The following MCC variants were observed in gnomAD, a reference collection of about 807,000 sequenced individuals.
MCC encodes MCC regulator of Wnt signaling pathway.
MCC carries 90 observed loss-of-function variants against 116.2 expected under a neutral mutation model. The observed-to-expected ratio is 0.77, with a 90% CI of 0.65 to 0.92. MCC has a LOEUF of 0.92. Among genes scored for constraint, MCC ranks in the 40% least tolerant of loss-of-function variants. MCC has a pLI of 0.00. For missense variants in MCC, 1,516 were observed against 1,312.2 expected (o/e 1.16, Z -2.40); for synonymous variants, 578 against 510.5 (o/e 1.13, Z -1.78).
chr5:113,162,902 C>G (rs539004734), intron 3 of MCC, among the ~76,000 whole-genome samples: 1 of 152,268 alleles, frequency 6.6e-6, no homozygotes, highest in East Asian at 1.9e-4. Flanking sequence ...CGTTACTATC[C>G]TATCTCATTT....
chr5:113,416,070 G>C (rs926292672), intron 1 of MCC, among the ~76,000 whole-genome samples: 1 of 152,158 alleles, frequency 6.6e-6, no homozygotes, highest in Non-Finnish European at 1.5e-5. Context: ...GTCTACTCCA[G>C]ACCCTGTTTG....
intron 3 of MCC, among the ~76,000 whole-genome samples, chr5:113,254,431 AAC>A (rs1764927279): frequency 6.6e-6 from 1 of 152,270 alleles, no homozygotes; most frequent in Non-Finnish European, 1.5e-5. Context: ...GTTAGTTCAT[AAC>A]GCATTCAAAA....
At chr5:113,141,750 C>A (rs1428602698) in intron 5 of MCC, among the ~76,000 whole-genome samples, 1 of 152,222 alleles carries the variant, frequency 6.6e-6, no homozygotes, top group Non-Finnish European at 1.5e-5. Context: ...TCAAGAAGCT[C>A]ACTGCATTTC....
In MCC at chr5:113,143,299, T is replaced by A. The variant is rs201214962; in HGVS notation, c.803A>T (p.Tyr268Phe). The change falls in exon 5 of 19, where the codon TAT becomes TTT. Residue 268 changes from tyrosine (Y) to phenylalanine (F), a missense_variant. Tyr to Phe is a conservative substitution (Grantham distance 22). Coordinates refer to ENST00000408903, the MANE Select transcript of MCC (RefSeq NM_001085377.2). The stretch of plus-strand genomic sequence containing the variant: ...GTGGAGCTCTGTGATGCGTTCCTCA[T>A]AGCGAAGTGTCGTTCGCTCCTGGAC... Reference protein sequence around the residue: ...EDVQERTTLRYEERITELHSV... With the variant: ...EDVQERTTLRFEERITELHSV... The A allele has an allele frequency of 1.2e-6, 2 of 1,613,764 alleles. No homozygotes were observed. Among genetic ancestry groups the A allele is most frequent in the East Asian group, 4.5e-5 (2 of 44,856 alleles).
At chr5:113,077,741 A>G (rs1309646380) in intron 11 of MCC, among the ~76,000 whole-genome samples, 1 of 152,172 alleles carries the variant, frequency 6.6e-6, no homozygotes, top group Non-Finnish European at 1.5e-5. Context: ...ATCACAATTA[A>G]AAGAATTAGA....
chr5:113,479,855 G>C (rs1376087162), intron 1 of MCC, among the ~76,000 whole-genome samples: 1 of 152,004 alleles, frequency 6.6e-6, no homozygotes, highest in African/African-American at 2.4e-5. Context: ...TTAATGCTTG[G>C]CTTTGGTTAT....
At chr5:113,384,857 T>C in intron 2 of MCC, 111 bp downstream of exon 2, 1 of 1,292,164 alleles carries the variant, frequency 7.7e-7, no homozygotes, top group South Asian at 1.4e-5. Context: ...GAGGGCAGCC[T>C]CAGTATGAGC....
intron 3 of MCC, among the ~76,000 whole-genome samples, chr5:113,232,137 T>C (rs569540): frequency 0.11 from 16,818 of 152,230 alleles, 1,211 homozygotes; most frequent in East Asian, 0.2. Flanking sequence ...AAAAATAAAA[T>C]GTATCACTTT....
intron 2 of MCC, among the ~76,000 whole-genome samples, chr5:113,341,682 G>C (rs573097166): frequency 6.6e-6 from 1 of 152,174 alleles, no homozygotes; most frequent in Non-Finnish European, 1.5e-5. Flanking sequence ...TGGTTCAGAT[G>C]GGAATGGTAC....
chr5:113,184,295 C>A (rs942223662), intron 3 of MCC, among the ~76,000 whole-genome samples: 2 of 152,100 alleles, frequency 1.3e-5, no homozygotes, highest in Non-Finnish European at 2.9e-5. Flanking sequence ...TGATTCTTTG[C>A]CACCTACCCT....
At chr5:113,249,020 T>G (rs912047185) in intron 3 of MCC, among the ~76,000 whole-genome samples, 1 of 152,062 alleles carries the variant, frequency 6.6e-6, no homozygotes, top group South Asian at 2.1e-4. Context: ...ATTTTTGTAT[T>G]TTTAGTAGAG....
At chr5:113,075,729 G>A (rs1233400100) in intron 11 of MCC, among the ~76,000 whole-genome samples, 2 of 152,226 alleles carry the variant, frequency 1.3e-5, no homozygotes, top group Non-Finnish European at 2.9e-5. Context: ...GCCCGAGCCA[G>A]CAGCAGCAAC....
intron 3 of MCC, among the ~76,000 whole-genome samples, chr5:113,178,122 G>A (rs1015086636): frequency 3.9e-5 from 6 of 152,164 alleles, no homozygotes; most frequent in African/African-American, 7.2e-5. Context: ...GAGTGGCAGC[G>A]GAAGGGAAGA....
chr5:113,329,475 C>T (rs1459595371), intron 3 of MCC, among the ~76,000 whole-genome samples: 5 of 137,078 alleles, frequency 3.6e-5, no homozygotes, highest in African/African-American at 1.2e-4. Context: ...TGCATATATA[C>T]GTATACACAC....
chr5:113,194,360 T>C (rs1299045255), intron 3 of MCC, among the ~76,000 whole-genome samples: 3 of 152,072 alleles, frequency 2.0e-5, no homozygotes, highest in Non-Finnish European at 4.4e-5. Context: ...AAACAACAAC[T>C]TGACACTACT....
intron 3 of MCC, among the ~76,000 whole-genome samples, chr5:113,161,227 C>T (rs574021346): frequency 1.3e-5 from 2 of 152,288 alleles, no homozygotes; most frequent in South Asian, 2.1e-4. Context: ...TTCAAGGGGG[C>T]TGCATCCTAA....
At chr5:113,051,274 T>A (rs1008832102) in intron 15 of MCC, among the ~76,000 whole-genome samples, 3 of 151,172 alleles carry the variant, frequency 2.0e-5, no homozygotes, top group Non-Finnish European at 4.4e-5. Flanking sequence ...ACCGAGGAAA[T>A]GAGAATGAAT....
chr5:113,208,562 T>C (rs1763001663), intron 3 of MCC, among the ~76,000 whole-genome samples: 1 of 152,136 alleles, frequency 6.6e-6, no homozygotes, highest in South Asian at 2.1e-4. Context: ...GGATTAGACT[T>C]CCATTACTAT....
At chr5:113,325,321 T>C (rs964010715) in intron 3 of MCC, among the ~76,000 whole-genome samples, 17 of 152,086 alleles carry the variant, frequency 1.1e-4, no homozygotes, top group African/African-American at 4.1e-4. Flanking sequence ...ATGTTAATGA[T>C]TCACACAATA....
Sources: gnomAD v4.1 joint callset for allele counts (sites outside exome capture counted in the v4.1 genomes callset) on GRCh38, gnomAD v4.1.1 for gene constraint, MANE v1.5 for transcripts, NCBI Gene and HGNC (gene_info 2026-07-23, HGNC 2026-07-21) for gene names.